PFKFB3: variants seen among roughly 807,000 people sequenced by gnomAD.
PFKFB3 encodes 6-phosphofructo-2-kinase/fructose-2,6-bisphosphatase 3.
Under a neutral mutation model 68.0 loss-of-function variants are expected in PFKFB3, and 33 were observed. The ratio of observed to expected loss-of-function variants is 0.49; its 90% CI spans 0.37 to 0.65. The LOEUF (loss-of-function observed/expected upper bound fraction) is 0.65. PFKFB3 is among the 30% of genes least tolerant of loss of function. The pLI, the probability that PFKFB3 is intolerant of heterozygous loss-of-function variation, is 0.00. For synonymous variants in PFKFB3, 315 were observed against 288.2 expected, an observed-to-expected ratio of 1.09 and a Z score of -0.94; for missense variants, 586 against 712.2, an observed-to-expected ratio of 0.82 and a Z score of 2.02.
the PFKFB3 span, among the ~76,000 whole-genome samples, chr10:6,279,353 G>A: frequency 6.6e-6 from 1 of 152,118 alleles, no homozygotes; most frequent in African/African-American, 2.4e-5. Context: ...TTAGAAATTT[G>A]GAAGGACTGA....
At chr10:6,305,005 ATTTTTTTTTT>A in the PFKFB3 span, among the ~76,000 whole-genome samples, 21 of 14,522 alleles carry the variant, frequency 1.4e-3, no homozygotes, top group East Asian at 5.1e-3. Context: ...AATATTAGGA[ATTTTTTTTTT>A]TTTTTTTTTT....
intron 14 of PFKFB3, among the ~76,000 whole-genome samples, chr10:6,253,463 A>G (rs1846425045): frequency 6.6e-6 from 1 of 152,092 alleles, no homozygotes. Context: ...CAGGTTGCAG[A>G]CACCCTTGGC....
At position 6,216,128 on chromosome 10, in the gene PFKFB3, A is replaced by G. The variant is rs1844563894; in HGVS notation, c.303A>G (p.Gln101=). The change falls in exon 4 of 15, where the codon CAA becomes CAG. Residue 101 remains glutamine (Q), a synonymous_variant. Transcript: ENST00000379775. ...DNEEAMKVRK[Q]CALAALRDVK... is the part of the protein sequence containing the mutation. ...GGCAATGTCTTGTGCATTCCAGGCAATGTGCCTTAGCTGCCTTGAGAGATG... is the reference window on the plus strand; with the variant it reads ...GGCAATGTCTTGTGCATTCCAGGCAGTGTGCCTTAGCTGCCTTGAGAGATG... The G allele has an allele frequency of 1.3e-5, 21 of 1,613,976 alleles. No individual in the cohort carries two copies. The highest frequency in any genetic ancestry group is 1.7e-5 in the Admixed American group (1 of 60,016).
chr10:6,248,426 T>G (rs569991390), intron 14 of PFKFB3, among the ~76,000 whole-genome samples: 1 of 151,810 alleles, frequency 6.6e-6, no homozygotes, highest in Admixed American at 6.6e-5. Flanking sequence ...GTCAGGGGTT[T>G]GGGACAAGCC....
chr10:6,326,621 C>A, the PFKFB3 span: 2,296 of 448,126 alleles, frequency 5.1e-3, 33 homozygotes, highest in South Asian at 0.018. Context: ...AGTGTGAAAA[C>A]GTTTCTGGCT....
rs1046376710 is a variant in PFKFB3 at position 6,234,338 on chromosome 10, G to A, written c.*1396G>A. On this transcript the variant is annotated 3_prime_UTR_variant, in exon 15 of 15. Coordinates refer to ENST00000379775, the MANE Select transcript of PFKFB3 (RefSeq NM_004566.4). ...AGGGACAGGTCCTGGGTGAGGGTGGGAGATTTAGACACCTGAAACTGGGCG... is the reference window on the plus strand; with the variant it reads ...AGGGACAGGTCCTGGGTGAGGGTGGAAGATTTAGACACCTGAAACTGGGCG... 3 of 152,312 alleles carry A rather than the reference G, an allele frequency of 2.0e-5. No individual in the cohort carries two copies. Among genetic ancestry groups the A allele is most frequent in the African/African-American group, 7.2e-5 (3 of 41,434 alleles). 9.4% of individuals were successfully genotyped at this position (152,312 alleles called of 1,614,324 possible).
chr10:6,180,242 ATTGCT>A (rs1842672442), intron 1 of PFKFB3, among the ~76,000 whole-genome samples: 1 of 152,116 alleles, frequency 6.6e-6, no homozygotes, highest in African/African-American at 2.4e-5. Flanking sequence ...TGAATGAATG[ATTGCT>A]TTGCAAGACA....
At chr10:6,306,710 C>T in the PFKFB3 span, among the ~76,000 whole-genome samples, 1 of 152,190 alleles carries the variant, frequency 6.6e-6, no homozygotes, top group Non-Finnish European at 1.5e-5. Flanking sequence ...CGACTTCCCC[C>T]ATGGAAGGCC....
intron 13 of PFKFB3, chr10:6,225,174 C>T (rs1271028435): frequency 4.4e-6 from 2 of 456,336 alleles, no homozygotes; most frequent in Admixed American, 4.7e-5. Context: ...GCCAAAAGTA[C>T]AACACTGTGC....
the PFKFB3 span, among the ~76,000 whole-genome samples, chr10:6,296,850 C>T: frequency 3.3e-5 from 5 of 152,164 alleles, no homozygotes; most frequent in South Asian, 6.2e-4. Context: ...GTCTTCATGA[C>T]CTGTATCTTG....
chr10:6,206,362 GAC>G (rs750121127), intron 1 of PFKFB3, among the ~76,000 whole-genome samples: 2 of 136,760 alleles, frequency 1.5e-5, no homozygotes, highest in Non-Finnish European at 3.2e-5. Flanking sequence ...TTTCTACACA[GAC>G]ACAGCAACCA....
At chr10:6,294,388 G>A in the PFKFB3 span, 1 of 305,488 alleles carries the variant, frequency 3.3e-6, no homozygotes, top group East Asian at 8.1e-5. Context: ...CATGGTGGAA[G>A]GCAAAGGAGG....
At chr10:6,293,855 A>T in the PFKFB3 span, 7 of 397,938 alleles carry the variant, frequency 1.8e-5, no homozygotes, top group East Asian at 4.3e-4. Context: ...AGACCAACCA[A>T]TAAGGTTGGA....
At chr10:6,188,909 A>G (rs1295081773) in intron 1 of PFKFB3, among the ~76,000 whole-genome samples, 1 of 141,756 alleles carries the variant, frequency 7.1e-6, no homozygotes, top group Non-Finnish European at 1.5e-5. Flanking sequence ...ATCTCGGCTC[A>G]CTGCAAGCTC....
intron 1 of PFKFB3, among the ~76,000 whole-genome samples, chr10:6,205,801 T>TATTC (rs1400345225): frequency 6.6e-6 from 1 of 150,470 alleles, no homozygotes; most frequent in African/African-American, 2.5e-5. Context: ...TTTATTTATT[T>TATTC]ATTTATTCAT....
At chr10:6,302,358 G>A in the PFKFB3 span, among the ~76,000 whole-genome samples, 1 of 118,500 alleles carries the variant, frequency 8.4e-6, no homozygotes, top group African/African-American at 3.4e-5. Flanking sequence ...ACCGTGCCTG[G>A]CCAGTTTTTT....
At chr10:6,236,733 C>A (rs1846021134), downstream of PFKFB3, among the ~76,000 whole-genome samples, 1 of 152,182 alleles carries the variant, frequency 6.6e-6, no homozygotes, top group Non-Finnish European at 1.5e-5. Context: ...GCTGACTACC[C>A]AGAAAATTAA....
chr10:6,152,198 C>T (rs747377271), intron 1 of PFKFB3: 7 of 154,292 alleles, frequency 4.5e-5, no homozygotes, highest in African/African-American at 9.7e-5. Context: ...ATGCCTGTTC[C>T]GGGCATCACC....
chr10:6,255,095 G>A (rs1846475716), downstream of PFKFB3, among the ~76,000 whole-genome samples: 1 of 150,772 alleles, frequency 6.6e-6, no homozygotes, highest in African/African-American at 2.4e-5. Flanking sequence ...GAGATTACAG[G>A]TGTGAGCCAC....
Sources: allele counts gnomAD v4.1 joint callset (sites outside exome capture counted in the v4.1 genomes callset), GRCh38; gene constraint gnomAD v4.1.1; transcripts MANE v1.5; gene names NCBI Gene and HGNC (gene_info 2026-07-23, HGNC 2026-07-21).